The following SNTG1 variants were observed in gnomAD, a reference collection of about 807,000 sequenced individuals.
SNTG1 encodes syntrophin gamma 1.
Under a neutral mutation model 74.7 loss-of-function variants are expected in SNTG1, and 39 were observed. That is an observed-to-expected ratio of 0.52 (90% CI 0.40 to 0.68). SNTG1 has a LOEUF of 0.68. Ranked by LOEUF, SNTG1 falls within the 30% of genes least tolerant of loss-of-function variation. The pLI, the probability that SNTG1 is intolerant of heterozygous loss-of-function variation, is 0.00. For synonymous variants in SNTG1, 254 were observed against 217.1 expected (o/e 1.17, Z -1.49); for missense variants, 685 against 609.5 (o/e 1.12, Z -1.30).
intron 1 of SNTG1, among the ~76,000 whole-genome samples, chr8:50,075,615 G>T (rs1821793106): frequency 6.6e-6 from 1 of 152,190 alleles, no homozygotes; most frequent in Admixed American, 6.5e-5. Context: ...GTGGCAACAC[G>T]TTGGGGCCTG....
chr8:50,526,325 G>A (rs2094219127), intron 9 of SNTG1, among the ~76,000 whole-genome samples: 1 of 152,138 alleles, frequency 6.6e-6, no homozygotes, highest in Admixed American at 6.5e-5. Flanking sequence ...CTAGAGAGTG[G>A]CTGCAAGTTT....
chr8:50,552,994 C>A (rs1399802941), intron 11 of SNTG1, 56 bp from the exon 12 acceptor site: 3 of 1,600,126 alleles, frequency 1.9e-6, no homozygotes, highest in East Asian at 2.2e-5. Flanking sequence ...CTATTACGAG[C>A]TGCAAATAGA....
intron 1 of SNTG1, among the ~76,000 whole-genome samples, chr8:50,033,114 A>G (rs1448707019): frequency 6.6e-6 from 1 of 151,460 alleles, no homozygotes; most frequent in Non-Finnish European, 1.5e-5. Context: ...TATGCAATAA[A>G]AAGTGTTTTT....
chr8:50,377,080 A>G (rs1410550243), intron 2 of SNTG1, among the ~76,000 whole-genome samples: 1 of 152,076 alleles, frequency 6.6e-6, no homozygotes, highest in Non-Finnish European at 1.5e-5. Context: ...AATAATAAGC[A>G]CATAGAAAGG....
At chr8:50,321,166 A>G (rs563800754) in intron 2 of SNTG1, among the ~76,000 whole-genome samples, 1 of 152,138 alleles carries the variant, frequency 6.6e-6, no homozygotes, top group East Asian at 1.9e-4. Flanking sequence ...GTCCAGGTCT[A>G]TCTCTCTCCT....
intron 8 of SNTG1, chr8:50,457,090 T>C (rs368346525): frequency 1.7e-4 from 26 of 152,302 alleles, no homozygotes; most frequent in African/African-American, 5.5e-4. Context: ...GGTAAAAGTT[T>C]TGTCACACTT....
chr8:49,919,885 T>C (rs1460011049), intron 1 of SNTG1, among the ~76,000 whole-genome samples: 1 of 152,094 alleles, frequency 6.6e-6, no homozygotes, highest in Non-Finnish European at 1.5e-5. Flanking sequence ...CGAAAGTAGA[T>C]TAATCTACTT....
intron 17 of SNTG1, among the ~76,000 whole-genome samples, chr8:50,739,919 C>T (rs1330348073): frequency 2.0e-5 from 3 of 152,024 alleles, no homozygotes; most frequent in African/African-American, 7.2e-5. Context: ...AACTGGCTGG[C>T]CAGTTGCAGA....
intron 1 of SNTG1, among the ~76,000 whole-genome samples, chr8:50,108,600 T>G (rs547472824): frequency 6.6e-6 from 1 of 152,322 alleles, no homozygotes; most frequent in African/African-American, 2.4e-5. Context: ...AATTTACAAC[T>G]GAATAAAACA....
At chr8:50,746,782 G>A (rs1262238711) in intron 17 of SNTG1, among the ~76,000 whole-genome samples, 6 of 148,750 alleles carry the variant, frequency 4.0e-5, no homozygotes, top group South Asian at 4.2e-4. Flanking sequence ...TAACATTTTT[G>A]TAAGTCATAT....
intron 1 of SNTG1, among the ~76,000 whole-genome samples, chr8:50,068,795 AT>A (rs1271332614): frequency 2.0e-5 from 3 of 151,660 alleles, no homozygotes; most frequent in African/African-American, 4.8e-5. Context: ...GATGGCTTTG[AT>A]TTTGCTTTTG....
chr8:50,271,582 T>C (rs1192955293), intron 2 of SNTG1, among the ~76,000 whole-genome samples: 1 of 152,158 alleles, frequency 6.6e-6, no homozygotes, highest in Non-Finnish European at 1.5e-5. Context: ...ACTATTGGCT[T>C]TCCAAAAACT....
chr8:50,296,537 C>A (rs933544864), intron 2 of SNTG1, among the ~76,000 whole-genome samples: 1 of 152,112 alleles, frequency 6.6e-6, no homozygotes, highest in African/African-American at 2.4e-5. Flanking sequence ...ACCTCATGTT[C>A]TCACCCATAA....
At chr8:50,789,502 A>C (rs1264420228) in intron 18 of SNTG1, among the ~76,000 whole-genome samples, 1 of 151,932 alleles carries the variant, frequency 6.6e-6, no homozygotes, top group East Asian at 1.9e-4. Context: ...TTTTTCCCTT[A>C]AATCCACACT....
At chr8:50,363,409 C>A (rs2092017391) in intron 2 of SNTG1, among the ~76,000 whole-genome samples, 1 of 152,112 alleles carries the variant, frequency 6.6e-6, no homozygotes, top group African/African-American at 2.4e-5. Context: ...GGGTTAGAGC[C>A]TGCAAGCTGA....
At chr8:50,310,395 T>C (rs530256222) in intron 2 of SNTG1, among the ~76,000 whole-genome samples, 7 of 152,328 alleles carry the variant, frequency 4.6e-5, no homozygotes, top group African/African-American at 1.4e-4. Flanking sequence ...TTTTATTTAA[T>C]ATAAGTATCC....
chr8:50,409,528 T>A (rs1399231948), intron 4 of SNTG1, among the ~76,000 whole-genome samples: 1 of 152,214 alleles, frequency 6.6e-6, no homozygotes, highest in Admixed American at 6.5e-5. Context: ...TGACTGTTGA[T>A]CAGAATGATG....
chr8:50,685,033 TC>T (rs1482315991), intron 15 of SNTG1, among the ~76,000 whole-genome samples: 3 of 151,834 alleles, frequency 2.0e-5, no homozygotes, highest in African/African-American at 7.3e-5. Context: ...GCTTCACTTC[TC>T]CAAGCCCAGT....
rs753539778 is a variant in SNTG1, at chr8:50,684,368, C to A, written c.1039-20232C>A. On this transcript the variant is annotated intron_variant, in intron 15 of 18. Coordinates refer to ENST00000642720, the MANE Select transcript of SNTG1 (RefSeq NM_018967.5). The stretch of plus-strand genomic sequence containing the variant: ...CCTGGTTTGGATTAATCTCACTAAG[C>A]AATTTTGAAAGTAATCTATTCAACA... Among the ~76,000 whole-genome samples, 25 of 152,230 alleles carry A rather than the reference C, an allele frequency of 1.6e-4. No individual in the cohort carries two copies. The East Asian group carries it at 4.8e-3, about 29-fold the overall frequency.
Sources: gnomAD v4.1 joint callset for allele counts (sites outside exome capture counted in the v4.1 genomes callset) on GRCh38, gnomAD v4.1.1 for gene constraint, MANE v1.5 for transcripts, NCBI Gene and HGNC (gene_info 2026-07-23, HGNC 2026-07-21) for gene names.